The following MAPK3 variants were observed in gnomAD, a reference collection of about 807,000 sequenced individuals.
The protein encoded by MAPK3 is mitogen-activated protein kinase 3, also known as MAPK 1.
Under a neutral mutation model 41.8 loss-of-function variants are expected in MAPK3, and 30 were observed. The observed-to-expected ratio is 0.72, with a 90% CI of 0.54 to 0.97. The LOEUF (loss-of-function observed/expected upper bound fraction) is 0.97. MAPK3 is among the 50% of genes least tolerant of loss of function. MAPK3 has a pLI of 0.00. For missense variants in MAPK3, 413 were observed against 509.9 expected, an observed-to-expected ratio of 0.81 and a Z score of 1.83; for synonymous variants, 222 against 213.4, an observed-to-expected ratio of 1.04 and a Z score of -0.35.
chr16:30,117,619 C>T, intron 5 of MAPK3, 51 bp downstream of exon 5: 2 of 1,439,444 alleles, frequency 1.4e-6, no homozygotes, highest in East Asian at 2.3e-5. Flanking sequence ...CGAGAAATCT[C>T]ACCTCGGAAA....
intron 1 of MAPK3, 54 bp from the exon 2 acceptor site, chr16:30,122,060 G>T (rs764490712): frequency 1.3e-6 from 2 of 1,586,204 alleles, no homozygotes; most frequent in South Asian, 2.2e-5. Context: ...GGGAGTCCGG[G>T]CCTGGTGGCC....
intron 1 of MAPK3, chr16:30,122,807 G>GA (rs2073029799): frequency 2.5e-6 from 1 of 406,046 alleles, no homozygotes; most frequent in African/African-American, 2.1e-5. Context: ...CATCATTACA[G>GA]AAGGGTGGAC....
At chr16:30,122,843 G>T in intron 1 of MAPK3, 197 bp downstream of exon 1, 1 of 474,346 alleles carries the variant, frequency 2.1e-6, no homozygotes, top group Non-Finnish European at 3.7e-6. Flanking sequence ...CTGCTCCCCT[G>T]AGGACGTAGG....
Position 30,121,505 on chromosome 16 carries a change from G to C in MAPK3, c.353+319C>G, listed in dbSNP as rs533235584. 2.0e-5 allele frequency among the ~76,000 whole-genome samples: 3 copies of C among 152,308 alleles called. No individual in the cohort carries two copies. In the South Asian group the frequency reaches 6.2e-4, roughly 32 times the overall value. On this transcript the variant is annotated intron_variant, in intron 2 of 8. Coordinates refer to ENST00000263025, the MANE Select transcript of MAPK3 (RefSeq NM_002746.3). Reference sequence around the variant, plus strand: ...CCTTAGCAAGAAGTGACTGTGGGCAGAGGCCAGGTCATGTCTCAGAACTGC... The same window carrying C: ...CCTTAGCAAGAAGTGACTGTGGGCACAGGCCAGGTCATGTCTCAGAACTGC...
Position 30,116,948 on chromosome 16 carries a change from C to T in MAPK3, c.963G>A (p.Val321=). Residue 321 remains valine (V), a synonymous_variant, in exon 7 of 9, where the codon GTG becomes GTA. Coordinates refer to ENST00000263025, the MANE Select transcript of MAPK3 (RefSeq NM_002746.3). ...GGTAGGGGTGAGCCAGCGCTTCCTC[C>T]ACTGTGATCCGTTTATTGGGGTTAA... ...LTFNPNKRIT[V]EEALAHPYLE... 1 of 1,613,628 alleles carries T rather than the reference C, an allele frequency of 6.2e-7. No homozygotes were observed. The highest frequency in any genetic ancestry group is 8.5e-7 in the Non-Finnish European group (1 of 1,179,746).
intron 2 of MAPK3, among the ~76,000 whole-genome samples, chr16:30,120,229 T>C (rs557931317): frequency 3.3e-5 from 5 of 152,234 alleles, no homozygotes; most frequent in African/African-American, 1.2e-4. Flanking sequence ...CTTCAGAGAA[T>C]ATGTGGACCA....
Position 30,123,187 on chromosome 16 carries a change from C to T in MAPK3, c.23G>A (p.Gly8Glu). Residue 8 changes from glycine to glutamate, a missense_variant, in exon 1 of 9, where the codon GGG becomes GAG. Gly to Glu is a moderately conservative substitution (Grantham distance 98). Transcript: ENST00000263025. MAAAAAQ[G>E]GGGGEPRRTE... ...TCTACGGGGCTCCCCGCCCCCGCCCCCCTGAGCCGCCGCCGCCGCCATCTC... is the reference window on the plus strand; with the variant it reads ...TCTACGGGGCTCCCCGCCCCCGCCCTCCTGAGCCGCCGCCGCCGCCATCTC... The T allele has an allele frequency of 7.6e-7, 1 of 1,315,936 alleles. No individual in the cohort carries two copies. Among genetic ancestry groups the T allele is most frequent in the Non-Finnish European group, 1.0e-6 (1 of 995,558 alleles). 81.5% of individuals were successfully genotyped at this position (1,315,936 alleles called of 1,614,324 possible).
chr16:30,118,074 C>A lies in MAPK3; in HGVS notation c.633G>T (p.Arg211=), dbSNP rs2151045623. 1 of 1,614,106 alleles carries A rather than the reference C, an allele frequency of 6.2e-7. No individual in the cohort carries two copies. The highest frequency in any genetic ancestry group is 8.5e-7 in the Non-Finnish European group (1 of 1,180,024). ...TGGAGTTCAGCATGATCTCTGGGGCCCGGTACCAGCGCGTAGCCACATACT... is the reference window on the plus strand; with the variant it reads ...TGGAGTTCAGCATGATCTCTGGGGCACGGTACCAGCGCGTAGCCACATACT... ...LTEYVATRWY[R]APEIMLNSKG... The change falls in exon 4 of 9, where the codon CGG becomes CGT. Residue 211 remains arginine (R), a synonymous_variant. Coordinates refer to ENST00000263025, the MANE Select transcript of MAPK3 (RefSeq NM_002746.3).
In MAPK3 at chr16:30,121,866, C is replaced by T. The variant is rs774690695; in HGVS notation, c.311G>A (p.Arg104Gln). The T allele has an allele frequency of 3.1e-6, 5 of 1,614,128 alleles. No individual in the cohort carries two copies. Among genetic ancestry groups the T allele is most frequent in the Non-Finnish European group, 4.2e-6 (5 of 1,180,020 alleles). Residue 104 changes from arginine to glutamine, a missense_variant, in exon 2 of 9, where the codon CGA becomes CAA. By Grantham distance (43) the Arg-to-Gln change is conservative. Around this residue, in one of 4 missense-constraint regions of MAPK3, gnomAD observed 140 missense variants for 206.0 expected, o/e 0.68. Coordinates refer to ENST00000263025, the MANE Select transcript of MAPK3 (RefSeq NM_002746.3). ...CAGGGTGGACGCCCGCAGAATGTCT[C>T]GGATGCCGATGACATTCTCATGGCG... ...RFRHENVIGI[R>Q]DILRASTLEA...
At position 30,118,376 on chromosome 16, in the gene MAPK3, C is replaced by T. The variant is rs148857444; in HGVS notation, c.516G>A (p.Leu172=). ...VLHRDLKPSN[L]LINTTCDLKI... ...TAAGGTCGCAGGTGGTGTTGATGAG[C>T]AGGTTGGAGGGCTTTAGATCTCGGT... The change falls in exon 3 of 9, where the codon CTG becomes CTA. Residue 172 remains leucine, a synonymous_variant. Coordinates refer to ENST00000263025, the MANE Select transcript of MAPK3 (RefSeq NM_002746.3). The T allele has an allele frequency of 2.5e-6, 4 of 1,612,702 alleles. No homozygotes were observed. The highest frequency in any genetic ancestry group is 1.1e-5 in the South Asian group (1 of 90,984).
chr16:30,117,160 A>G lies in MAPK3; in HGVS notation c.901T>C (p.Ser301Pro), dbSNP rs757561553. The G allele has an allele frequency of 2.5e-6, 4 of 1,613,986 alleles. No homozygotes were observed. In the Admixed American group the frequency reaches 6.7e-5, roughly 27 times the overall value. ...AWAKLFPKSD[S>P]KALDLLDRML... ...ACCCTCATGTCTCTCGAACCTTTGG[A>G]GTCTGACTTGGGGAAAAGCTTGGCC... The change falls in exon 6 of 9, where the codon TCC becomes CCC. Residue 301 changes from serine (S) to proline (P), a missense_variant. Physicochemically the swap from Ser to Pro is moderately conservative, Grantham distance 74 (BLOSUM62 -1). Coordinates refer to ENST00000263025, the MANE Select transcript of MAPK3 (RefSeq NM_002746.3).
rs139021825 is a variant in MAPK3 at position 30,122,057 on chromosome 16, C to T, written c.171-51G>A. 8,606 of 1,595,908 alleles carry T rather than the reference C, an allele frequency of 5.4e-3. 51 individuals are homozygous for T. Among genetic ancestry groups the T allele is most frequent in the Non-Finnish European group, 6.1e-3 (7,077 of 1,167,026 alleles). Reference sequence around the variant, plus strand: ...GCTGTGGCCTTACAAAGGGGGAGTCCGGGCCTGGTGGCCCCACCCAGGCCT... The same window carrying T: ...GCTGTGGCCTTACAAAGGGGGAGTCTGGGCCTGGTGGCCCCACCCAGGCCT... On this transcript the variant is annotated intron_variant, in intron 1 of 8. Transcript: ENST00000263025.
chr16:30,117,972 T>G, intron 4 of MAPK3, 75 bp downstream of exon 4: 1 of 1,356,842 alleles, frequency 7.4e-7, no homozygotes, highest in East Asian at 2.3e-5. Flanking sequence ...TGGGGGTCAG[T>G]GTCTGGCTCA....
Position 30,121,805 on chromosome 16 carries a change from T to C in MAPK3, c.353+19A>G, listed in dbSNP as rs1232697999. 6.2e-7 allele frequency: 1 copy of C among 1,608,806 alleles called. No homozygotes were observed. Among genetic ancestry groups the C allele is most frequent in the Non-Finnish European group, 8.5e-7 (1 of 1,176,018 alleles). On this transcript the variant is annotated intron_variant, in intron 2 of 8. Transcript: ENST00000263025. ...GCGAGGCCGTGCCTGACCAGCCGAC[T>C]GGCCAAGGTGAAGGATACACATCTC...
At chr16:30,119,004 C>CGGCG (rs1026538510) in intron 2 of MAPK3, among the ~76,000 whole-genome samples, 1 of 151,968 alleles carries the variant, frequency 6.6e-6, no homozygotes, top group African/African-American at 2.4e-5. Context: ...TAACTGGGCA[C>CGGCG]GGCGGCATGT....
chr16:30,122,985 C>T, intron 1 of MAPK3, 55 bp downstream of exon 1: 2 of 1,372,050 alleles, frequency 1.5e-6, no homozygotes, highest in Non-Finnish European at 1.9e-6. Flanking sequence ...TCCTCCTCCT[C>T]TCCCGCGAAG....
At position 30,117,671 on chromosome 16, in the gene MAPK3, C is replaced by T. The variant is rs2072971342; in HGVS notation, c.774G>A (p.Leu258=). 1 of 1,613,560 alleles carries T rather than the reference C, an allele frequency of 6.2e-7. No homozygotes were observed. The highest frequency in any genetic ancestry group is 8.5e-7 in the Non-Finnish European group (1 of 1,179,516). ...KHYLDQLNHI[L]GILGSPSQED... ...CTCAGCCAGCCGGGCCTCCCTCACC[C>T]AGAATGTGGTTGAGCTGATCCAGGT... Residue 258 remains leucine (L), a splice_region_variant and synonymous_variant, in exon 5 of 9, where the codon CTG becomes CTA. Transcript: ENST00000263025.
At position 30,116,718 on chromosome 16, in the gene MAPK3, T is replaced by C. The variant is rs2072957442; in HGVS notation, c.1090A>G (p.Ile364Val). The change falls in exon 8 of 9, where the codon ATC becomes GTC. Residue 364 changes from isoleucine (I) to valine (V), a missense_variant. Around this residue, in one of 4 missense-constraint regions of MAPK3, gnomAD observed 123 missense variants for 147.8 expected, o/e 0.83. Coordinates refer to ENST00000263025, the MANE Select transcript of MAPK3 (RefSeq NM_002746.3). Reference protein sequence around the residue: ...DLPKERLKELIFQETARFQPG... With the variant: ...DLPKERLKELVFQETARFQPG... ...TGGAAGCGTGCTGTCTCCTGGAAGA[T>C]GAGCTCCTTCAGCCGCTCCTTAGGT... 1.2e-6 allele frequency: 2 copies of C among 1,613,908 alleles called. No individual in the cohort carries two copies. Among genetic ancestry groups the C allele is most frequent in the Non-Finnish European group, 1.7e-6 (2 of 1,179,996 alleles).
At chr16:30,121,285 AT>A (rs1216777080) in intron 2 of MAPK3, among the ~76,000 whole-genome samples, 3 of 151,566 alleles carry the variant, frequency 2.0e-5, no homozygotes, top group Non-Finnish European at 4.4e-5. Context: ...ATTTTTTTGT[AT>A]TTTTAGTAGA....
Sources: allele counts gnomAD v4.1 joint callset (sites outside exome capture counted in the v4.1 genomes callset), GRCh38; gene constraint gnomAD v4.1.1; regional missense constraint gnomAD v4.1.1; transcripts MANE v1.5; gene names NCBI Gene and HGNC (gene_info 2026-07-23, HGNC 2026-07-21).